Variants in SAP130 observed in about 807,000 individuals in gnomAD.
The protein encoded by SAP130 is Sin3A associated protein 130.
A neutral mutation model predicts 103.2 loss-of-function variants in SAP130; 16 were observed. The observed-to-expected ratio is 0.16, with a 90% confidence interval of 0.10 to 0.24. The LOEUF (loss-of-function observed/expected upper bound fraction) is 0.24, where lower values mean the gene tolerates loss of function less well. SAP130 is among the 10% of genes least tolerant of loss of function. The pLI is 1.00. For missense variants in SAP130, 990 were observed against 1,359.7 expected, an observed-to-expected ratio of 0.73 and a Z score of 4.28; for synonymous variants, 477 against 497.0, an observed-to-expected ratio of 0.96 and a Z score of 0.53.
In SAP130 at chr2:127,942,342, CG is replaced by C; in HGVS notation, c.3015+81del. 2.7e-6 allele frequency: 3 copies of C among 1,121,274 alleles called. No individual in the cohort carries two copies. Among genetic ancestry groups the C allele is most frequent in the East Asian group, 2.4e-5 (1 of 42,524 alleles). 69.5% of individuals were successfully genotyped at this position (1,121,274 alleles called of 1,614,324 possible). A position where few individuals can be genotyped will look rare whatever the true frequency, so the allele number is the denominator to read the frequency against. On this transcript the variant is annotated intron_variant, in intron 20 of 20. Transcript: ENST00000643581. The surrounding 1 kb of genome is among the most constrained non-coding windows in gnomAD (Gnocchi z 4.8). ...GTTTTTACTGAAGATATGAGGGAGA[CG>C]GGGGGAAACGGGAGAAGTAGGGCTT... is the stretch of plus-strand genomic sequence containing the variant.
rs772856433 is a variant in SAP130 at position 127,968,414 on chromosome 2, GTTTT to G, written c.2063+9567_2063+9570del. On this transcript the variant is annotated intron_variant, in intron 15 of 20. Transcript: ENST00000643581. ...ACGTGAGCCACCATGCCCGGAGTTG[GTTTT>G]TTTTTTTTTTTTTTTTTTTTAAAGA... 5.1e-3 allele frequency among the ~76,000 whole-genome samples: 686 copies of G among 133,954 alleles called. 18 individuals are homozygous for G. The highest frequency in any genetic ancestry group is 0.018 in the East Asian group (85 of 4,668). The allele number at this position is 133,954 out of a possible 152,430, so 87.9% of individuals were successfully genotyped here.
rs771681984 is a variant in SAP130, at chr2:128,000,280, C to G, written c.1017+27G>C. On this transcript the variant is annotated intron_variant, in intron 8 of 20. Coordinates refer to ENST00000643581, the MANE Select transcript of SAP130 (RefSeq NM_001330301.2). ...TTTTGGTTTTACCCAACAAAGTACA[C>G]AGGTGGTTCTCCACTTTTGGTTTTA... 3.1e-6 allele frequency: 5 copies of G among 1,613,878 alleles called. No homozygotes were observed. The South Asian group carries it at 4.4e-5, about 14-fold the overall frequency.
chr2:127,987,109 T>C lies in SAP130; in HGVS notation c.1781-147A>G, dbSNP rs146916338. On this transcript the variant is annotated intron_variant, in intron 13 of 20. Coordinates refer to ENST00000643581, the MANE Select transcript of SAP130 (RefSeq NM_001330301.2). The stretch of plus-strand genomic sequence containing the variant: ...AAACTGATAAGGGACAGGAGCACAA[T>C]GTTCATCCGACAAAGAGCAGATAGC... The C allele has an allele frequency of 3.9e-4, 267 of 686,476 alleles. No homozygotes were observed. The East Asian group carries it at 6.5e-3, about 17-fold the overall frequency. 42.5% of individuals were successfully genotyped at this position (686,476 alleles called of 1,614,324 possible).
At chr2:127,948,457 A>T (rs796592865) in intron 18 of SAP130, among the ~76,000 whole-genome samples, 15 of 149,632 alleles carry the variant, frequency 1.0e-4, no homozygotes, top group African/African-American at 3.5e-4. Context: ...CTCCTGCCTC[A>T]GCCTCCTGAG....
chr2:127,952,967 T>G (rs1307877635), intron 16 of SAP130, among the ~76,000 whole-genome samples: 1 of 152,146 alleles, frequency 6.6e-6, no homozygotes, highest in African/African-American at 2.4e-5. Context: ...AAATACAATT[T>G]ATATATATAA....
intron 7 of SAP130, among the ~76,000 whole-genome samples, chr2:128,001,707 C>T (rs1310428564): frequency 2.0e-5 from 3 of 152,086 alleles, no homozygotes; most frequent in Non-Finnish European, 2.9e-5. Context: ...ATCATAGCCT[C>T]GGTGTGTAGT....
chr2:127,962,708 T>C (rs1458968393), intron 15 of SAP130, among the ~76,000 whole-genome samples: 5 of 120,428 alleles, frequency 4.2e-5, no homozygotes, highest in African/African-American at 1.6e-4. Context: ...AAGGGGAACA[T>C]CACACACCGG....
In SAP130 at chr2:128,016,542, G is replaced by A. The variant is rs35434942; in HGVS notation, c.354C>T (p.Pro118=). 472 of 1,609,924 alleles carry A rather than the reference G, an allele frequency of 2.9e-4. No homozygotes were observed. In the African/African-American group the frequency reaches 5.4e-3, roughly 18 times the overall value. The part of the protein sequence containing the change: ...LSFSEGLMKP[P]PKPTMPSRPI... ...GACGGCTAGGCATGGTGGGCTTCGG[G>A]GGCGGCTGCAAACAGAAAACCACAC... The change falls in exon 4 of 21, where the codon CCC becomes CCT. Residue 118 remains proline (P), a synonymous_variant. Coordinates refer to ENST00000643581, the MANE Select transcript of SAP130 (RefSeq NM_001330301.2).
chr2:128,015,176 G>A (rs1332355379), intron 4 of SAP130, among the ~76,000 whole-genome samples: 4 of 152,114 alleles, frequency 2.6e-5, no homozygotes, highest in Non-Finnish European at 5.9e-5. Context: ...CGATATCTAC[G>A]TTTAGAAACT....
Position 128,016,319 on chromosome 2 carries a change from C to T in SAP130, c.507+70G>A, listed in dbSNP as rs145426682. On this transcript the variant is annotated intron_variant, in intron 4 of 20. Coordinates refer to ENST00000643581, the MANE Select transcript of SAP130 (RefSeq NM_001330301.2). Reference sequence around the variant, plus strand: ...ATTACCGTGACTAATGTACTGCTAGCATTCAATAAATCATGATCAACAGTT... The same window carrying T: ...ATTACCGTGACTAATGTACTGCTAGTATTCAATAAATCATGATCAACAGTT... 6.4e-5 allele frequency: 94 copies of T among 1,474,294 alleles called. No individual in the cohort carries two copies. The African/African-American group carries it at 1.1e-3, about 18-fold the overall frequency. 91.3% of individuals were successfully genotyped at this position (1,474,294 alleles called of 1,614,324 possible). A position where few individuals can be genotyped will look rare whatever the true frequency, so the allele number is the denominator to read the frequency against.
At chr2:127,992,853 T>A (rs1045392813) in intron 12 of SAP130, among the ~76,000 whole-genome samples, 7 of 152,180 alleles carry the variant, frequency 4.6e-5, no homozygotes, top group Admixed American at 6.5e-5. Context: ...ATAAATTTTT[T>A]AAAAATATAG....
At chr2:128,016,649 G>GA in intron 3 of SAP130, 102 bp from the exon 4 acceptor site, 1 of 1,260,860 alleles carries the variant, frequency 7.9e-7, no homozygotes. Context: ...AAAGTGCCAG[G>GA]AAAGATGCCG....
chr2:128,018,921 C>A (rs1039794472), intron 2 of SAP130, among the ~76,000 whole-genome samples: 2 of 151,828 alleles, frequency 1.3e-5, no homozygotes, highest in African/African-American at 4.8e-5. Context: ...CGTGGTGAAA[C>A]CCCGTCTCTA....
At chr2:128,013,531 A>G (rs148823568) in intron 5 of SAP130, among the ~76,000 whole-genome samples, 2 of 152,284 alleles carry the variant, frequency 1.3e-5, no homozygotes, top group African/African-American at 4.8e-5. Flanking sequence ...AAAGGGACAC[A>G]TTATGAACCT....
rs1216916219 is a variant in SAP130 at position 127,996,958 on chromosome 2, A to G, written c.1214-467T>C. The stretch of plus-strand genomic sequence containing the variant: ...CACACAATTTTGGATTAAAAAACGG[A>G]AAAAACAAACAAACAAAAAACCTTG... On this transcript the variant is annotated intron_variant, in intron 10 of 20. Coordinates refer to ENST00000643581, the MANE Select transcript of SAP130 (RefSeq NM_001330301.2). The surrounding 1 kb of genome is among the most constrained non-coding windows in gnomAD (Gnocchi z 4.3). Among the ~76,000 whole-genome samples, 1 of 152,166 alleles carries G rather than the reference A, an allele frequency of 6.6e-6. No homozygotes were observed. The highest frequency in any genetic ancestry group is 1.5e-5 in the Non-Finnish European group (1 of 68,024).
rs1360055212 is a variant in SAP130, at chr2:127,986,968, GGA to G, written c.1781-8_1781-7del. Reference sequence around the variant, plus strand: ...TCCATCTGCCAACACCACTGCTACAGGAGAGAGGCAACAGGAAAGAACATTGA... The same window carrying G: ...TCCATCTGCCAACACCACTGCTACAGGAGAGGCAACAGGAAAGAACATTGA... On this transcript the variant is annotated splice_polypyrimidine_tract_variant and splice_region_variant and intron_variant, in intron 13 of 20. Coordinates refer to ENST00000643581, the MANE Select transcript of SAP130 (RefSeq NM_001330301.2). The surrounding 1 kb of genome is among the most constrained non-coding windows in gnomAD (Gnocchi z 4.7). 1.9e-6 allele frequency: 3 copies of G among 1,605,154 alleles called. No homozygotes were observed. In the African/African-American group the frequency reaches 4.0e-5, roughly 21 times the overall value.
At position 127,996,495 on chromosome 2, in the gene SAP130, C is replaced by T; in HGVS notation, c.1214-4G>A. On this transcript the variant is annotated splice_region_variant and splice_polypyrimidine_tract_variant and intron_variant, in intron 10 of 20. Transcript: ENST00000643581. The surrounding 1 kb of genome is among the most constrained non-coding windows in gnomAD (Gnocchi z 4.3). ...ATCTGCTGGGGCACCACCTTGGCTG[C>T]AAACAGTAAATGCCAATTCCATGAC... is the stretch of plus-strand genomic sequence containing the variant. 1 of 1,538,082 alleles carries T rather than the reference C, an allele frequency of 6.5e-7. No homozygotes were observed.
intron 16 of SAP130, among the ~76,000 whole-genome samples, chr2:127,954,501 T>C (rs1002648094): frequency 1.3e-5 from 2 of 151,956 alleles, no homozygotes; most frequent in Admixed American, 6.6e-5. Context: ...AACCGGAAGT[T>C]TGGAGTTAAG....
intron 14 of SAP130, among the ~76,000 whole-genome samples, chr2:127,983,823 GTT>G (rs879920789): frequency 3.8e-5 from 3 of 79,286 alleles, no homozygotes; most frequent in East Asian, 4.1e-4. Flanking sequence ...TTACTTTGTT[GTT>G]TTTTTTTTTT....
Sources: allele counts gnomAD v4.1 joint callset (sites outside exome capture counted in the v4.1 genomes callset), GRCh38; gene constraint gnomAD v4.1.1; non-coding constraint Gnocchi (gnomAD v3.1); transcripts MANE v1.5; gene names NCBI Gene and HGNC (gene_info 2026-07-23, HGNC 2026-07-21).